GFOD1: variants seen among roughly 807,000 people sequenced by gnomAD.
The protein encoded by GFOD1 is Gfo/Idh/MocA-like oxidoreductase domain containing 1, also known as glucose-fructose oxidoreductase domain-containing protein 1.
GFOD1 carries 9 observed loss-of-function variants against 25.4 expected under a neutral mutation model. The observed-to-expected ratio is 0.35, with a 90% confidence interval of 0.21 to 0.62. The LOEUF (loss-of-function observed/expected upper bound fraction) is 0.62. Ranked by LOEUF, GFOD1 falls within the 20% of genes least tolerant of loss-of-function variation. The pLI, the probability that GFOD1 is intolerant of heterozygous loss-of-function variation, is 0.72. For synonymous variants in GFOD1, 253 were observed against 245.6 expected (o/e 1.03, Z -0.28); for missense variants, 403 against 556.9 (o/e 0.72, Z 2.78).
intron 1 of GFOD1, among the ~76,000 whole-genome samples, chr6:13,423,668 C>T (rs148111905): frequency 0.011 from 1,674 of 152,252 alleles, 14 homozygotes; most frequent in Non-Finnish European, 0.013. Context: ...TTCAGTGAGT[C>T]GGTAGCAGAA....
intron 1 of GFOD1, among the ~76,000 whole-genome samples, chr6:13,411,352 C>T (rs1399431481): frequency 2.6e-5 from 4 of 152,122 alleles, no homozygotes; most frequent in African/African-American, 9.7e-5. Flanking sequence ...AGTGCAGTGG[C>T]GCGATACCGG....
chr6:13,413,371 C>T, intron 1 of GFOD1, among the ~76,000 whole-genome samples: 1 of 152,246 alleles, frequency 6.6e-6, no homozygotes, highest in Non-Finnish European at 1.5e-5. Context: ...CACCAAGGCA[C>T]ATCAGCACAG....
chr6:13,448,606 C>G (rs781026946), intron 1 of GFOD1, among the ~76,000 whole-genome samples: 1 of 152,130 alleles, frequency 6.6e-6, no homozygotes, highest in Non-Finnish European at 1.5e-5. Flanking sequence ...TGGAAGTTTC[C>G]AAATGCCATT....
intron 1 of GFOD1, among the ~76,000 whole-genome samples, chr6:13,394,874 C>A (rs1785696150): frequency 6.6e-6 from 1 of 152,040 alleles, no homozygotes; most frequent in Non-Finnish European, 1.5e-5. Context: ...CTCAACTGAT[C>A]CACCAGCCTG....
chr6:13,415,435 C>T (rs1054507843), intron 1 of GFOD1, among the ~76,000 whole-genome samples: 4 of 152,316 alleles, frequency 2.6e-5, no homozygotes, highest in South Asian at 2.1e-4. Flanking sequence ...ACCTCCTCCA[C>T]CCACCTTGCC....
At position 13,361,109 on chromosome 6, in the gene GFOD1, C is replaced by T. The variant is rs1433011323; in HGVS notation, c.*3634G>A. 2.9e-6 allele frequency: 1 copy of T among 345,316 alleles called. No homozygotes were observed. The highest frequency in any genetic ancestry group is 5.7e-6 in the Non-Finnish European group (1 of 174,644). 21.4% of individuals were successfully genotyped at this position (345,316 alleles called of 1,614,324 possible). ...TGGACAAGTCTTGGAGTTGGCCAGT[C>T]TTGGAGTTGGCCAAGACTACCCTAG... is the stretch of plus-strand genomic sequence containing the variant. On this transcript the variant is annotated 3_prime_UTR_variant, in exon 2 of 2. Transcript: ENST00000379287.
rs1279164057 is a variant in GFOD1, at chr6:13,364,562, A to G, written c.*181T>C. 2 of 599,392 alleles carry G rather than the reference A, an allele frequency of 3.3e-6. No homozygotes were observed. Among genetic ancestry groups the G allele is most frequent in the Non-Finnish European group, 5.9e-6 (2 of 339,586 alleles). The allele number at this position is 599,392 out of a possible 1,614,324, so 37.1% of individuals were successfully genotyped here. A position where few individuals can be genotyped will look rare whatever the true frequency, so the allele number is the denominator to read the frequency against. On this transcript the variant is annotated 3_prime_UTR_variant, in exon 2 of 2. Transcript: ENST00000379287. The surrounding 1 kb of genome is among the most constrained non-coding windows in gnomAD (Gnocchi z 4.1). ...TCCAGGCTAGGAGCTCAGCCCACCA[A>G]CAGTCTGGTTTGGGGTCGGTCACCG...
rs186128462 is a variant in GFOD1, at chr6:13,388,327, C to A, written c.254-22665G>T. The stretch of plus-strand genomic sequence containing the variant: ...CCAAGACAATCCTAAGCAAAAAGAA[C>A]AAAGCTGGAGGCATCATGCTACCTG... On this transcript the variant is annotated intron_variant, in intron 1 of 1. Transcript: ENST00000379287. Among the ~76,000 whole-genome samples, 600 of 152,268 alleles carry A rather than the reference C, an allele frequency of 3.9e-3. 4 individuals carry two copies. The highest frequency in any genetic ancestry group is 0.014 in the African/African-American group (579 of 41,532).
chr6:13,389,350 C>A (rs1355254297), intron 1 of GFOD1, among the ~76,000 whole-genome samples: 1 of 152,182 alleles, frequency 6.6e-6, no homozygotes, highest in Non-Finnish European at 1.5e-5. Context: ...ACAGCAGAGT[C>A]TTGGAACCAA....
chr6:13,463,543 C>T (rs1371834162), intron 1 of GFOD1, among the ~76,000 whole-genome samples: 2 of 152,124 alleles, frequency 1.3e-5, no homozygotes, highest in African/African-American at 2.4e-5. Flanking sequence ...TCCACGTCAC[C>T]GGGGTGTGGG....
intron 1 of GFOD1, among the ~76,000 whole-genome samples, chr6:13,397,781 CA>C (rs1785764228): frequency 6.6e-6 from 1 of 152,228 alleles, no homozygotes; most frequent in Non-Finnish European, 1.5e-5. Context: ...ATTATCCCGG[CA>C]CATTCTATTA....
At chr6:13,470,601 T>C (rs758824653) in intron 1 of GFOD1, 4 of 1,494,506 alleles carry the variant, frequency 2.7e-6, no homozygotes, top group African/African-American at 1.4e-5. Flanking sequence ...TTTTTCTGTC[T>C]GCTGATTTTC....
intron 1 of GFOD1, among the ~76,000 whole-genome samples, chr6:13,421,990 G>A (rs914727185): frequency 1.3e-5 from 2 of 152,162 alleles, no homozygotes; most frequent in Admixed American, 6.5e-5. Context: ...TTCCTTTGGG[G>A]GAGAAATATA....
intron 1 of GFOD1, among the ~76,000 whole-genome samples, chr6:13,450,744 C>T (rs1758082331): frequency 6.6e-6 from 1 of 152,166 alleles, no homozygotes; most frequent in Admixed American, 6.5e-5. Flanking sequence ...AAATAGAAAG[C>T]AGTGTTCAGT....
intron 1 of GFOD1, among the ~76,000 whole-genome samples, chr6:13,451,008 T>C (rs1410032571): frequency 6.6e-6 from 1 of 152,210 alleles, no homozygotes. Flanking sequence ...TAAGGTTTCC[T>C]ACCACACCTT....
chr6:13,416,618 G>A (rs1047148927), intron 1 of GFOD1, among the ~76,000 whole-genome samples: 2 of 152,174 alleles, frequency 1.3e-5, no homozygotes, highest in Non-Finnish European at 2.9e-5. Flanking sequence ...AGCTGGGCAG[G>A]GGCTAGGTCT....
chr6:13,370,458 C>T (rs540160043), intron 1 of GFOD1, among the ~76,000 whole-genome samples: 51 of 152,126 alleles, frequency 3.4e-4, no homozygotes, highest in Admixed American at 6.5e-4. Flanking sequence ...GAACCCAAAA[C>T]GCAGAGCCAG....
intron 1 of GFOD1, among the ~76,000 whole-genome samples, chr6:13,366,657 G>C (rs2127554842): frequency 6.6e-6 from 1 of 151,918 alleles, no homozygotes; most frequent in Admixed American, 6.6e-5. Flanking sequence ...AAAAGAGATG[G>C]GGTCTCCAAT....
At chr6:13,475,793 G>A (rs9800629) in intron 1 of GFOD1, among the ~76,000 whole-genome samples, 75,472 of 149,892 alleles carry the variant, frequency 0.5, 20,968 homozygotes, top group Admixed American at 0.61. Context: ...GCATGGTGGC[G>A]CACACCCGTA....
Sources: allele counts gnomAD v4.1 joint callset (sites outside exome capture counted in the v4.1 genomes callset), GRCh38; gene constraint gnomAD v4.1.1; non-coding constraint Gnocchi (gnomAD v3.1); transcripts MANE v1.5; gene names NCBI Gene and HGNC (gene_info 2026-07-23, HGNC 2026-07-21).